Variants in SLC22A12 observed in about 807,000 individuals in gnomAD.
SLC22A12 encodes the protein organic anion transporter 4-like protein.
A neutral mutation model predicts 52.7 loss-of-function variants in SLC22A12; 56 were observed. That is an observed-to-expected ratio of 1.06 (90% confidence interval 0.86 to 1.33). The LOEUF (loss-of-function observed/expected upper bound fraction) is 1.33, where lower values mean the gene tolerates loss of function less well. Ranked by LOEUF, SLC22A12 falls within the 40% of genes most tolerant of loss-of-function variation. The pLI, the probability that SLC22A12 is intolerant of heterozygous loss-of-function variation, is 0.00. For synonymous variants in SLC22A12, 337 were observed against 324.6 expected, an observed-to-expected ratio of 1.04 and a Z score of -0.41; for missense variants, 683 against 741.5, an observed-to-expected ratio of 0.92 and a Z score of 0.92.
chr11:64,595,048 GTGGA>G (rs199516888), intron 4 of SLC22A12, among the ~76,000 whole-genome samples: 14 of 51,278 alleles, frequency 2.7e-4, no homozygotes, highest in Admixed American at 4.8e-4. Context: ...GGATGGATGG[GTGGA>G]TGGATGGATG....
In SLC22A12 at chr11:64,598,563, A is replaced by G; in HGVS notation, c.878A>G (p.Asp293Gly). 6.2e-7 allele frequency: 1 copy of G among 1,604,680 alleles called. No homozygotes were observed. Among genetic ancestry groups the G allele is most frequent in the East Asian group, 2.3e-5 (1 of 44,380 alleles). The change falls in exon 5 of 10, where the codon GAT becomes GGT. Residue 293 changes from aspartate (D) to glycine (G), a missense_variant. Coordinates refer to ENST00000377574, the MANE Select transcript of SLC22A12 (RefSeq NM_144585.4). Reference protein sequence around the residue: ...ARWLLTTGRLDWGLQELWRVA... With the variant: ...ARWLLTTGRLGWGLQELWRVA... ...TGGCTCCTCACCACAGGCAGGCTGG[A>G]TTGGGGCCTGCAGGAGCTGTGGAGG...
chr11:64,595,957 TGGATGGATGGAATGGATGGATGG>T (rs2039184829), intron 4 of SLC22A12, among the ~76,000 whole-genome samples: 2 of 107,842 alleles, frequency 1.9e-5, no homozygotes, highest in Non-Finnish European at 3.7e-5. Context: ...GATGGATGGA[TGGATGGATGGAATGGATGGATGG>T]TTGGAATAGA....
chr11:64,599,617 T>TC, intron 6 of SLC22A12, 59 bp from the exon 7 acceptor site: 1 of 17,020 alleles, frequency 5.9e-5, no homozygotes, highest in Non-Finnish European at 9.7e-5. Flanking sequence ...GTTCCCACCC[T>TC]GCCCACCACC....
At position 64,593,683 on chromosome 11, in the gene SLC22A12, ACT is replaced by A. The variant is rs1384467129; in HGVS notation, c.715_716del (p.Leu239GlyfsTer79). On this transcript the variant is annotated frameshift_variant, in exon 4 of 10. Coordinates refer to ENST00000377574, the MANE Select transcript of SLC22A12 (RefSeq NM_144585.4). LOFTEE classifies it high-confidence loss of function. Reference sequence around the variant, plus strand: ...GCCCGACCCTTGGTGATGACCTTGAACTCTCTGGGCTTCAGCTTCGGCCATGG... The same window carrying A: ...GCCCGACCCTTGGTGATGACCTTGAACTCTGGGCTTCAGCTTCGGCCATGG... The A allele has an allele frequency of 1.2e-6, 2 of 1,613,268 alleles. No individual in the cohort carries two copies. The highest frequency in any genetic ancestry group is 1.3e-5 in the African/African-American group (1 of 74,720).
At chr11:64,598,987 C>T in intron 6 of SLC22A12, 64 bp downstream of exon 6, 2 of 1,578,776 alleles carry the variant, frequency 1.3e-6, no homozygotes, top group South Asian at 1.1e-5. Flanking sequence ...CTCGCTGGCA[C>T]ACGGCCCCGG....
rs2039340506 is a variant in SLC22A12 at position 64,598,819 on chromosome 11, A to C, written c.966A>C (p.Ser322=). ...CCCCGCCTCCACAGGTCTTGCTTTC[A>C]GCCATGCGGGAGGAGCTGAGCATGG... ...QDTLTPEVLL[S]AMREELSMGQ... is the part of the protein sequence containing the mutation. The change falls in exon 6 of 10, where the codon TCA becomes TCC. Residue 322 remains serine, a synonymous_variant. Transcript: ENST00000377574. 6.2e-7 allele frequency: 1 copy of C among 1,612,428 alleles called. No homozygotes were observed. Among genetic ancestry groups the C allele is most frequent in the Admixed American group, 1.7e-5 (1 of 59,994 alleles).
At chr11:64,601,027 CAG>C (rs2039439106) in intron 9 of SLC22A12, 89 bp downstream of exon 9, 1 of 1,526,120 alleles carries the variant, frequency 6.6e-7, no homozygotes, top group African/African-American at 1.4e-5. Context: ...CATCACTTGA[CAG>C]AGGCGGAAGC....
In SLC22A12 at chr11:64,591,655, C is replaced by T; in HGVS notation, c.99C>T (p.Thr33=). The T allele has an allele frequency of 6.2e-7, 1 of 1,613,080 alleles. No homozygotes were observed. Among genetic ancestry groups the T allele is most frequent in the Non-Finnish European group, 8.5e-7 (1 of 1,180,028 alleles). ...ALMVSIMWLC[T]QSMLENFSAA... ...TGGTCTCCATCATGTGGCTGTGTAC[C>T]CAGAGCATGCTGGAGAACTTCTCGG... Residue 33 remains threonine, a synonymous_variant, in exon 1 of 10, where the codon ACC becomes ACT. Transcript: ENST00000377574.
chr11:64,598,458 G>T, intron 4 of SLC22A12, 58 bp from the exon 5 acceptor site: 2 of 1,548,198 alleles, frequency 1.3e-6, no homozygotes, highest in Admixed American at 2.0e-5. Flanking sequence ...TGAGGCTGGC[G>T]CAGGCCAGGC....
At chr11:64,599,593 C>CCCCCCCGCCCCTTGTTG in intron 6 of SLC22A12, 83 bp from the exon 7 acceptor site, 2 of 669,448 alleles carry the variant, frequency 3.0e-6, no homozygotes, top group African/African-American at 2.0e-5. Flanking sequence ...CACCCTGAGC[C>CCCCCCCGCCCCTTGTTG]CCCACCGCCC....
chr11:64,596,184 T>C, intron 4 of SLC22A12, among the ~76,000 whole-genome samples: 1 of 147,698 alleles, frequency 6.8e-6, no homozygotes, highest in Non-Finnish European at 1.5e-5. Context: ...ATGGAATGGA[T>C]GGATGGATGG....
At position 64,598,324 on chromosome 11, in the gene SLC22A12, C is replaced by A. The variant is rs893006; in HGVS notation, c.831-192C>A. 0.61 allele frequency among the ~76,000 whole-genome samples: 92,408 copies of A among 151,996 alleles called. 28,982 individuals carry two copies. The highest frequency in any genetic ancestry group is 0.7 in the Non-Finnish European group (47,660 of 67,906). On this transcript the variant is annotated intron_variant, in intron 4 of 9. Transcript: ENST00000377574. ...CCACAATCCCTAGGAGGGAGAAAGGCAGCAGAAGGGGTCTCCTGCTGGGGA... is the reference window on the plus strand; with the variant it reads ...CCACAATCCCTAGGAGGGAGAAAGGAAGCAGAAGGGGTCTCCTGCTGGGGA...
Position 64,599,896 on chromosome 11 carries a change from G to C in SLC22A12, c.1285+6G>C, listed in dbSNP as rs549880430. On this transcript the variant is annotated splice_donor_region_variant and intron_variant, in intron 7 of 9. Transcript: ENST00000377574. The stretch of plus-strand genomic sequence containing the variant: ...CAACACGCTGGTGCCCCACGGTGAG[G>C]GGGCAAAGCTGTACACCAGAGACTT... 5.0e-5 allele frequency: 81 copies of C among 1,611,850 alleles called. No homozygotes were observed. The highest frequency in any genetic ancestry group is 4.8e-4 in the Admixed American group (29 of 59,890).
intron 4 of SLC22A12, among the ~76,000 whole-genome samples, chr11:64,594,671 A>AGATGGATGGACGGATGGATGGATG (rs2039034239): frequency 6.9e-6 from 1 of 145,538 alleles, no homozygotes; most frequent in African/African-American, 2.5e-5. Context: ...TGGTTGGAAT[A>AGATGGATGGACGGATGGATGGATG]GATGGATGGA....
chr11:64,595,156 G>C (rs1272213080), intron 4 of SLC22A12, among the ~76,000 whole-genome samples: 51 of 141,726 alleles, frequency 3.6e-4, no homozygotes, highest in Non-Finnish European at 7.2e-4. Flanking sequence ...TGGTTGAATG[G>C]ATGGTTGGAT....
In SLC22A12 at chr11:64,592,885, G is replaced by A; in HGVS notation, c.506+3G>A. On this transcript the variant is annotated splice_donor_region_variant and intron_variant, in intron 2 of 9. Transcript: ENST00000377574. ...GCGTGCGGCCCTGCCTCAGACAGGT[G>A]AGTACCCCCAGTCCAGGCAGGTCCC... is the stretch of plus-strand genomic sequence containing the variant. 1 of 1,612,628 alleles carries A rather than the reference G, an allele frequency of 6.2e-7. No homozygotes were observed. Among genetic ancestry groups the A allele is most frequent in the Non-Finnish European group, 8.5e-7 (1 of 1,179,426 alleles).
chr11:64,594,710 T>TGGAC (rs2039038278), intron 4 of SLC22A12, among the ~76,000 whole-genome samples: 1 of 145,596 alleles, frequency 6.9e-6, no homozygotes, highest in Non-Finnish European at 1.5e-5. Flanking sequence ...GATGGATGGA[T>TGGAC]GGATGGATGG....
At chr11:64,592,456 T>A (rs2038949194) in intron 1 of SLC22A12, among the ~76,000 whole-genome samples, 1 of 152,014 alleles carries the variant, frequency 6.6e-6, no homozygotes, top group Non-Finnish European at 1.5e-5. Flanking sequence ...GGAAGCAACC[T>A]CTGGGAGAGG....
rs1591404696 is a variant in SLC22A12, at chr11:64,600,746, T to C, written c.1406T>C (p.Val469Ala). 1 of 1,605,002 alleles carries C rather than the reference T, an allele frequency of 6.2e-7. No individual in the cohort carries two copies. Among genetic ancestry groups the C allele is most frequent in the Non-Finnish European group, 8.5e-7 (1 of 1,179,898 alleles). The change falls in exon 9 of 10, where the codon GTG becomes GCG. Residue 469 changes from valine (V) to alanine (A), a missense_variant. Physicochemically the swap from Val to Ala is moderately conservative, Grantham distance 64 (BLOSUM62 0). Transcript: ENST00000377574. The part of the protein sequence containing the change: ...LFPTVLRMTA[V>A]GLGQMAARGG... ...ATCTGCATTGGCAGGATGACGGCAGTGGGCTTGGGCCAGATGGCAGCCCGT... is the reference window on the plus strand; with the variant it reads ...ATCTGCATTGGCAGGATGACGGCAGCGGGCTTGGGCCAGATGGCAGCCCGT...
Sources: gnomAD v4.1 joint callset for allele counts (sites outside exome capture counted in the v4.1 genomes callset) on GRCh38, gnomAD v4.1.1 for gene constraint, MANE v1.5 for transcripts, NCBI Gene and HGNC (gene_info 2026-07-23, HGNC 2026-07-21) for gene names.